ADCY8: variants seen among roughly 807,000 people sequenced by gnomAD.
ADCY8 encodes adenylate cyclase type 8.
A neutral mutation model predicts 119.7 loss-of-function variants in ADCY8; 51 were observed. The observed-to-expected ratio is 0.43, with a 90% confidence interval of 0.34 to 0.54. The LOEUF (loss-of-function observed/expected upper bound fraction) is 0.54. Ranked by LOEUF, ADCY8 falls within the 20% of genes least tolerant of loss-of-function variation. The pLI is 0.03. For synonymous variants in ADCY8, 665 were observed against 651.0 expected, an observed-to-expected ratio of 1.02 and a Z score of -0.33; for missense variants, 1,383 against 1,598.8, an observed-to-expected ratio of 0.87 and a Z score of 2.30.
intron 5 of ADCY8, among the ~76,000 whole-genome samples, chr8:130,936,024 G>T (rs900937322): frequency 2.6e-5 from 4 of 151,002 alleles, no homozygotes; most frequent in Non-Finnish European, 5.9e-5. Flanking sequence ...GTCTTCCCTA[G>T]ATCAATTAAG....
At position 131,040,492 on chromosome 8, in the gene ADCY8, C is replaced by G. The variant is rs1824357736; in HGVS notation, c.-159G>C. ...CCCTGCGCTAGGGCTCCCTGTAGGT[C>G]GGGTCATACTGTGCCCAGGGGCAAA... On this transcript the variant is annotated 5_prime_UTR_variant, in exon 1 of 18. Coordinates refer to ENST00000286355, the MANE Select transcript of ADCY8 (RefSeq NM_001115.3). 2.0e-5 allele frequency: 18 copies of G among 911,546 alleles called. No homozygotes were observed. Among genetic ancestry groups the G allele is most frequent in the Non-Finnish European group, 2.5e-5 (17 of 668,832 alleles). 56.5% of individuals were successfully genotyped at this position (911,546 alleles called of 1,614,324 possible).
intron 2 of ADCY8, among the ~76,000 whole-genome samples, chr8:130,970,419 G>C (rs374624398): frequency 6.6e-6 from 1 of 152,292 alleles, no homozygotes; most frequent in South Asian, 2.1e-4. Flanking sequence ...ATTTATCACT[G>C]TCTCTCATCA....
chr8:130,995,660 T>TCCATACTTCTTGCCTTGCTGAACATA (rs2130751849), intron 1 of ADCY8, among the ~76,000 whole-genome samples: 1 of 152,276 alleles, frequency 6.6e-6, no homozygotes, highest in East Asian at 1.9e-4. Flanking sequence ...CGAACACTAC[T>TCCATACTTCTTGCCTTGCTGAACATA]CTCCATACTT....
At chr8:130,983,336 C>T (rs144014201) in intron 2 of ADCY8, among the ~76,000 whole-genome samples, 86 of 152,256 alleles carry the variant, frequency 5.6e-4, no homozygotes, top group African/African-American at 1.9e-3. Context: ...AATGTATGGA[C>T]GTCTCTGTCC....
chr8:130,843,333 T>C (rs1281734527), intron 11 of ADCY8, among the ~76,000 whole-genome samples: 4 of 152,200 alleles, frequency 2.6e-5, no homozygotes, highest in African/African-American at 9.6e-5. Context: ...CATGTCAGTT[T>C]CCTCACATGC....
In ADCY8 at chr8:131,040,523, C is replaced by T. The variant is rs1824359652; in HGVS notation, c.-190G>A. ...ATACTGTGCCCAGGGGCAAAGGGCA[C>T]CTGGAAGATCGCGGCGGACCTCGGC... On this transcript the variant is annotated 5_prime_UTR_variant, in exon 1 of 18. It adds an upstream start codon to the 5' untranslated region. Transcript: ENST00000286355. The T allele has an allele frequency of 3.6e-6, 2 of 557,488 alleles. No homozygotes were observed. The allele number at this position is 557,488 out of a possible 1,614,324, so 34.5% of individuals were successfully genotyped here. A position where few individuals can be genotyped will look rare whatever the true frequency, so the allele number is the denominator to read the frequency against.
At chr8:130,901,236 C>T (rs1485858576) in intron 7 of ADCY8, among the ~76,000 whole-genome samples, 1 of 136,682 alleles carries the variant, frequency 7.3e-6, no homozygotes, top group African/African-American at 2.9e-5. Context: ...TTTCCCCATC[C>T]CTCCTCTTTT....
chr8:130,783,676 G>A lies in ADCY8; in HGVS notation c.3268+15C>T. The stretch of plus-strand genomic sequence containing the variant: ...CAGCTGGCTCTATCAGGCCCCACCT[G>A]CAGCTGCTACTCACCAATCCGGAGT... On this transcript the variant is annotated intron_variant, in intron 17 of 17. Coordinates refer to ENST00000286355, the MANE Select transcript of ADCY8 (RefSeq NM_001115.3). The A allele has an allele frequency of 6.3e-7, 1 of 1,595,096 alleles. No individual in the cohort carries two copies. The highest frequency in any genetic ancestry group is 1.7e-4 in the Middle Eastern group (1 of 5,996).
intron 1 of ADCY8, among the ~76,000 whole-genome samples, chr8:130,998,573 C>A (rs1443726209): frequency 6.6e-6 from 1 of 152,126 alleles, no homozygotes; most frequent in African/African-American, 2.4e-5. Flanking sequence ...AAGTTCTTAG[C>A]ACTTGGAAAC....
chr8:130,995,217 A>G (rs1822736751), intron 1 of ADCY8, among the ~76,000 whole-genome samples: 1 of 152,210 alleles, frequency 6.6e-6, no homozygotes, highest in Non-Finnish European at 1.5e-5. Flanking sequence ...ATCTTTTACA[A>G]TAATAAATAA....
intron 12 of ADCY8, among the ~76,000 whole-genome samples, chr8:130,825,971 G>A (rs1426350982): frequency 2.0e-5 from 3 of 152,168 alleles, no homozygotes; most frequent in Non-Finnish European, 2.9e-5. Flanking sequence ...GGATCTTTCA[G>A]CCACAGTACT....
intron 7 of ADCY8, among the ~76,000 whole-genome samples, chr8:130,889,153 A>G (rs1282057991): frequency 6.6e-6 from 1 of 152,150 alleles, no homozygotes; most frequent in Non-Finnish European, 1.5e-5. Flanking sequence ...GAATGATGAG[A>G]TGTTTCATTA....
At chr8:130,962,418 C>G (rs1394120895) in intron 2 of ADCY8, among the ~76,000 whole-genome samples, 1 of 152,154 alleles carries the variant, frequency 6.6e-6, no homozygotes, top group Admixed American at 6.5e-5. Context: ...CCCTGGGTGG[C>G]CTTTGTGCTC....
intron 11 of ADCY8, among the ~76,000 whole-genome samples, chr8:130,846,529 TC>T (rs1186993332): frequency 1.1e-5 from 1 of 95,222 alleles, no homozygotes. Context: ...CCTCCCTCCC[TC>T]CCTTCCTTCC....
At chr8:130,843,060 A>G (rs896333700) in intron 11 of ADCY8, among the ~76,000 whole-genome samples, 1 of 152,008 alleles carries the variant, frequency 6.6e-6, no homozygotes, top group African/African-American at 2.4e-5. Context: ...ATTCCTATAC[A>G]TATTCTTGAA....
At chr8:130,948,272 CTG>C (rs1416930964) in intron 3 of ADCY8, among the ~76,000 whole-genome samples, 1 of 152,168 alleles carries the variant, frequency 6.6e-6, no homozygotes, top group African/African-American at 2.4e-5. Flanking sequence ...TCTTAAGTAT[CTG>C]GGGGAAAAAC....
chr8:130,968,148 A>T (rs965100892), intron 2 of ADCY8, among the ~76,000 whole-genome samples: 8 of 151,712 alleles, frequency 5.3e-5, no homozygotes, highest in African/African-American at 1.7e-4. Flanking sequence ...TTAAAATCAT[A>T]AAAAAAATGA....
At chr8:130,885,668 A>AC in intron 7 of ADCY8, among the ~76,000 whole-genome samples, 1 of 151,680 alleles carries the variant, frequency 6.6e-6, no homozygotes, top group Middle Eastern at 3.4e-3. Context: ...AAAAACAAAA[A>AC]AAAAAGTGTG....
At chr8:131,003,580 A>G (rs1363044596) in intron 1 of ADCY8, among the ~76,000 whole-genome samples, 3 of 152,080 alleles carry the variant, frequency 2.0e-5, no homozygotes, top group African/African-American at 4.8e-5. Context: ...TGTTTTCCAG[A>G]TCCTGTGCTT....
Sources: gnomAD v4.1 joint callset for allele counts (sites outside exome capture counted in the v4.1 genomes callset) on GRCh38, gnomAD v4.1.1 for gene constraint, MANE v1.5 for transcripts, NCBI Gene and HGNC (gene_info 2026-07-23, HGNC 2026-07-21) for gene names.